DGKD: variants seen among roughly 807,000 people sequenced by gnomAD.
The protein encoded by DGKD is diacylglycerol kinase delta, also known as DAG kinase delta.
In DGKD, 68 loss-of-function variants were observed where a neutral mutation model predicts 154.4. The ratio of observed to expected loss-of-function variants is 0.44; its 90% confidence interval spans 0.36 to 0.54. The LOEUF is 0.54. Among genes scored for constraint, DGKD ranks in the 20% least tolerant of loss-of-function variants. DGKD has a pLI of 0.00. For synonymous variants in DGKD, 693 were observed against 638.0 expected, an observed-to-expected ratio of 1.09 and a Z score of -1.30; for missense variants, 1,343 against 1,593.6, an observed-to-expected ratio of 0.84 and a Z score of 2.68.
At position 233,458,665 on chromosome 2, in the gene DGKD, G is replaced by A. The variant is rs936984289; in HGVS notation, c.2694+268G>A. Among the ~76,000 whole-genome samples, 1 of 149,768 alleles carries A rather than the reference G, an allele frequency of 6.7e-6. No homozygotes were observed. The highest frequency in any genetic ancestry group is 2.5e-5 in the African/African-American group (1 of 40,584). On this transcript the variant is annotated intron_variant, in intron 22 of 29. Transcript: ENST00000264057. The surrounding 1 kb of genome is among the most constrained non-coding windows in gnomAD (Gnocchi z 6.6). ...CTTGCTCTGTTGCCCAGGCTGGAGTGCAGTGGTGCAATCTCGGCTTGCTGC... is the reference window on the plus strand; with the variant it reads ...CTTGCTCTGTTGCCCAGGCTGGAGTACAGTGGTGCAATCTCGGCTTGCTGC...
At chr2:233,436,275 C>G (rs761031636) in intron 6 of DGKD, 41 bp from the exon 7 acceptor site, 3 of 1,612,598 alleles carry the variant, frequency 1.9e-6, no homozygotes, top group South Asian at 2.2e-5. Flanking sequence ...GGACGTGGAA[C>G]CTTGGGAGCG....
At position 233,458,260 on chromosome 2, in the gene DGKD, T is replaced by C. The variant is rs1457169015; in HGVS notation, c.2581-24T>C. On this transcript the variant is annotated intron_variant, in intron 21 of 29. Transcript: ENST00000264057. This position sits in a 1 kb window ranked among gnomAD's most constrained non-coding sequence, Gnocchi z 6.6. The stretch of plus-strand genomic sequence containing the variant: ...TGCTCGGGGATGTGTGGAGTGGTGG[T>C]CAGCTCTAACGTGTCCCTTGCAGAC... The C allele has an allele frequency of 6.6e-7, 1 of 1,523,894 alleles. No homozygotes were observed. The highest frequency in any genetic ancestry group is 9.1e-7 in the Non-Finnish European group (1 of 1,101,730). The allele number at this position is 1,523,894 out of a possible 1,614,324, so 94.4% of individuals were successfully genotyped here.
chr2:233,419,289 G>A lies in DGKD; in HGVS notation c.349-15091G>A, dbSNP rs1559523982. ...CACGGTACTGATTTGCTGCTCCAGC[G>A]TTCCTGCTCTACTTCGTAATCTGTA... On this transcript the variant is annotated intron_variant, in intron 3 of 29. Coordinates refer to ENST00000264057, the MANE Select transcript of DGKD (RefSeq NM_152879.3). 11 of 985,386 alleles carry A rather than the reference G, an allele frequency of 1.1e-5. No homozygotes were observed. The South Asian group carries it at 1.9e-4, about 17-fold the overall frequency. The allele number at this position is 985,386 out of a possible 1,614,324, so 61.0% of individuals were successfully genotyped here.
chr2:233,399,396 G>A (rs2061502569), intron 3 of DGKD, among the ~76,000 whole-genome samples: 1 of 152,230 alleles, frequency 6.6e-6, no homozygotes, highest in Non-Finnish European at 1.5e-5. Context: ...CAGATGCTGG[G>A]CCTGGCTGCA....
At chr2:233,412,686 A>G (rs1476728589) in intron 3 of DGKD, among the ~76,000 whole-genome samples, 1 of 152,196 alleles carries the variant, frequency 6.6e-6, no homozygotes, top group African/African-American at 2.4e-5. Context: ...TTAACATGAA[A>G]CAGTTCGGTT....
chr2:233,448,215 G>T, intron 13 of DGKD, 34 bp downstream of exon 13: 3 of 1,614,040 alleles, frequency 1.9e-6, no homozygotes, highest in Non-Finnish European at 2.5e-6. Context: ...AGGGCATGGT[G>T]CCCTGGCCCC....
chr2:233,449,452 A>C lies in DGKD; in HGVS notation c.1888+76A>C, dbSNP rs2063196626. On this transcript the variant is annotated intron_variant, in intron 15 of 29. Coordinates refer to ENST00000264057, the MANE Select transcript of DGKD (RefSeq NM_152879.3). This position sits in a 1 kb window ranked among gnomAD's most constrained non-coding sequence, Gnocchi z 5.3. The stretch of plus-strand genomic sequence containing the variant: ...TGCCCAGCGTCCCCTGAACACGGAG[A>C]TGACAGAAGGGTGCATGTTGAGAAA... 1 of 1,504,904 alleles carries C rather than the reference A, an allele frequency of 6.6e-7. No homozygotes were observed. The highest frequency in any genetic ancestry group is 1.4e-5 in the African/African-American group (1 of 72,106). The allele number at this position is 1,504,904 out of a possible 1,614,324, so 93.2% of individuals were successfully genotyped here. A position where few individuals can be genotyped will look rare whatever the true frequency, so the allele number is the denominator to read the frequency against.
rs953887328 is a variant in DGKD at position 233,458,903 on chromosome 2, C to T, written c.2694+506C>T. Among the ~76,000 whole-genome samples the T allele has an allele frequency of 2.6e-5, 4 of 152,120 alleles. No homozygotes were observed. Among genetic ancestry groups the T allele is most frequent in the African/African-American group, 9.7e-5 (4 of 41,426 alleles). ...GCCACTGCACCCGGCCAAGATAACT[C>T]TTTCAAAATGTGTATCCTGCTTGAA... On this transcript the variant is annotated intron_variant, in intron 22 of 29. Coordinates refer to ENST00000264057, the MANE Select transcript of DGKD (RefSeq NM_152879.3). This position sits in a 1 kb window ranked among gnomAD's most constrained non-coding sequence, Gnocchi z 6.6.
chr2:233,364,531 CT>C (rs1701933156), intron 1 of DGKD, among the ~76,000 whole-genome samples: 1 of 152,172 alleles, frequency 6.6e-6, no homozygotes, highest in Admixed American at 6.5e-5. Flanking sequence ...TTTCTAAAGT[CT>C]TTCCATTTCC....
chr2:233,418,952 A>G (rs1179427030), intron 3 of DGKD, among the ~76,000 whole-genome samples: 2 of 151,972 alleles, frequency 1.3e-5, no homozygotes, highest in Admixed American at 6.6e-5. Flanking sequence ...GGTGGTGTCT[A>G]TTTTTGTGTT....
chr2:233,462,560 G>C, intron 25 of DGKD, 83 bp from the exon 26 acceptor site: 1 of 1,527,210 alleles, frequency 6.5e-7, no homozygotes, highest in Non-Finnish European at 9.0e-7. Flanking sequence ...GTGCATGTTC[G>C]GCCCTCCCAG....
At position 233,457,620 on chromosome 2, in the gene DGKD, GA is replaced by G. The variant is rs2063502286; in HGVS notation, c.2580+294del. The G allele has an allele frequency of 1.8e-6, 1 of 544,640 alleles. No individual in the cohort carries two copies. The allele number at this position is 544,640 out of a possible 1,614,324, so 33.7% of individuals were successfully genotyped here. A position where few individuals can be genotyped will look rare whatever the true frequency, so the allele number is the denominator to read the frequency against. Reference sequence around the variant, plus strand: ...GAAGGTGTCTGGGAGGCCAAGACCTGAAGGATGAGTTGGAGTTGGCTAAGTT... The same window carrying G: ...GAAGGTGTCTGGGAGGCCAAGACCTGAGGATGAGTTGGAGTTGGCTAAGTT... On this transcript the variant is annotated intron_variant, in intron 21 of 29. Coordinates refer to ENST00000264057, the MANE Select transcript of DGKD (RefSeq NM_152879.3). This position sits in a 1 kb window ranked among gnomAD's most constrained non-coding sequence, Gnocchi z 5.5.
chr2:233,438,182 C>T lies in DGKD; in HGVS notation c.923-35C>T. ...GTGGTGCCCTCAGCGTCTTCCGTGG[C>T]CTATATATTTTCTTCTGTTCGTTCT... On this transcript the variant is annotated intron_variant, in intron 8 of 29. Coordinates refer to ENST00000264057, the MANE Select transcript of DGKD (RefSeq NM_152879.3). The surrounding 1 kb of genome is among the most constrained non-coding windows in gnomAD (Gnocchi z 4.1). 1 of 1,608,632 alleles carries T rather than the reference C, an allele frequency of 6.2e-7. No homozygotes were observed. The highest frequency in any genetic ancestry group is 1.1e-5 in the South Asian group (1 of 90,646).
chr2:233,375,812 AT>A (rs1159964032), intron 1 of DGKD, among the ~76,000 whole-genome samples: 1 of 152,156 alleles, frequency 6.6e-6, no homozygotes, highest in African/African-American at 2.4e-5. Flanking sequence ...TTCTTGTTTC[AT>A]CTGTCTCCAC....
chr2:233,438,443 G>T lies in DGKD; in HGVS notation c.1085+64G>T. ...AAAATTGTGTAGATAGTGTGTGCTT[G>T]TTAAAAAAAAAAAGTTCAAAGACAC... On this transcript the variant is annotated intron_variant, in intron 9 of 29. Transcript: ENST00000264057. The surrounding 1 kb of genome is among the most constrained non-coding windows in gnomAD (Gnocchi z 4.1). The T allele has an allele frequency of 1.4e-6, 2 of 1,457,158 alleles. No individual in the cohort carries two copies. Among genetic ancestry groups the T allele is most frequent in the African/African-American group, 1.8e-5 (1 of 54,122 alleles). The allele number at this position is 1,457,158 out of a possible 1,614,324, so 90.3% of individuals were successfully genotyped here.
chr2:233,381,748 T>G (rs754249655), intron 1 of DGKD, among the ~76,000 whole-genome samples: 16 of 152,228 alleles, frequency 1.1e-4, no homozygotes, highest in Non-Finnish European at 2.2e-4. Context: ...GCTTTAGAGA[T>G]AGAATTGGAG....
intron 18 of DGKD, among the ~76,000 whole-genome samples, chr2:233,453,091 C>A (rs2063340304): frequency 1.3e-5 from 2 of 152,204 alleles, no homozygotes; most frequent in Admixed American, 1.3e-4. Flanking sequence ...CTAGAGGCCC[C>A]TGAACTGGAT....
chr2:233,462,615 C>T (rs756314091), intron 25 of DGKD, 28 bp from the exon 26 acceptor site: 2 of 1,604,646 alleles, frequency 1.2e-6, no homozygotes, highest in Admixed American at 1.7e-5. Context: ...CCCCCCGCCC[C>T]CATGCATATT....
At position 233,469,658 on chromosome 2, in the gene DGKD, G is replaced by C; in HGVS notation, c.*198G>C. The C allele has an allele frequency of 1.7e-6, 1 of 587,356 alleles. No homozygotes were observed. The highest frequency in any genetic ancestry group is 3.0e-6 in the Non-Finnish European group (1 of 328,810). 36.4% of individuals were successfully genotyped at this position (587,356 alleles called of 1,614,324 possible). A position where few individuals can be genotyped will look rare whatever the true frequency, so the allele number is the denominator to read the frequency against. On this transcript the variant is annotated 3_prime_UTR_variant, in exon 30 of 30. Transcript: ENST00000264057. ...CCGTCCACCAGAGCTCTGGGGTCTCGAACATAACAACACAGCTACCTTTGA... is the reference window on the plus strand; with the variant it reads ...CCGTCCACCAGAGCTCTGGGGTCTCCAACATAACAACACAGCTACCTTTGA...
Sources: gnomAD v4.1 joint callset for allele counts (sites outside exome capture counted in the v4.1 genomes callset) on GRCh38, gnomAD v4.1.1 for gene constraint, Gnocchi (gnomAD v3.1) non-coding constraint, MANE v1.5 for transcripts, NCBI Gene and HGNC (gene_info 2026-07-23, HGNC 2026-07-21) for gene names.